The following VPS52 variants were observed in gnomAD, a reference collection of about 807,000 sequenced individuals.
VPS52 encodes the protein vacuolar protein sorting-associated protein 52 homolog.
In VPS52, 56 loss-of-function variants were observed where a neutral mutation model predicts 98.7. The ratio of observed to expected loss-of-function variants is 0.57; its 90% confidence interval spans 0.46 to 0.71. The LOEUF is 0.71. Among genes scored for constraint, VPS52 ranks in the 30% least tolerant of loss-of-function variants. The probability of loss-of-function intolerance (pLI) is 0.00; values close to 1 mark genes in which losing one functional copy is unlikely to be tolerated. For missense variants in VPS52, 742 were observed against 925.9 expected, an observed-to-expected ratio of 0.80 and a Z score of 2.58; for synonymous variants, 348 against 346.4, an observed-to-expected ratio of 1.00 and a Z score of -0.05.
At chr6:33,270,146 C>A in intron 2 of VPS52, 53 bp downstream of exon 2, 1 of 1,611,214 alleles carries the variant, frequency 6.2e-7, no homozygotes, top group Non-Finnish European at 8.5e-7. Flanking sequence ...TTCCTTCCAG[C>A]CCCCATGCCT....
rs1277773800 is a variant in VPS52, at chr6:33,250,973, C to G, written c.2040G>C (p.Gln680His). 6.2e-7 allele frequency: 1 copy of G among 1,612,922 alleles called. No individual in the cohort carries two copies. Among genetic ancestry groups the G allele is most frequent in the Non-Finnish European group, 8.5e-7 (1 of 1,180,032 alleles). ...GGAAGCGATGATAGAGCTGGATCAGCTGGGTCAGCGCTCCCTGGTCAAAGA... is the reference window on the plus strand; with the variant it reads ...GGAAGCGATGATAGAGCTGGATCAGGTGGGTCAGCGCTCCCTGGTCAAAGA... Reference protein sequence around the residue: ...GTSIIQGALTQLIQLYHRFHR... With the variant: ...GTSIIQGALTHLIQLYHRFHR... Residue 680 changes from glutamine (Q) to histidine (H), a missense_variant, in exon 20 of 20, where the codon CAG becomes CAC. Gln to His is a conservative substitution (Grantham distance 24, BLOSUM62 0). Transcript: ENST00000445902.
intron 17 of VPS52, among the ~76,000 whole-genome samples, chr6:33,252,296 A>T (rs1337773045): frequency 6.6e-6 from 1 of 152,230 alleles, no homozygotes; most frequent in Non-Finnish European, 1.5e-5. Flanking sequence ...CAATGTCTAA[A>T]GTTAAGGATA....
At chr6:33,265,057 G>A (rs1406780974) in intron 12 of VPS52, among the ~76,000 whole-genome samples, 157 bp from the exon 13 acceptor site, 1 of 152,078 alleles carries the variant, frequency 6.6e-6, no homozygotes, top group African/African-American at 2.4e-5. Flanking sequence ...TTCCTGTCCA[G>A]GATCTATGTT....
rs1178619542 is a variant in VPS52 at position 33,268,668 on chromosome 6, T to A, written c.549-19A>T. On this transcript the variant is annotated intron_variant, in intron 6 of 19. Transcript: ENST00000445902. The surrounding 1 kb of genome is among the most constrained non-coding windows in gnomAD (Gnocchi z 4.0). ...AATTGCCCTGGTTAGCAGGGAGGGG[T>A]GGGATGAGTTACAAGGGAGACCCAG... 8.2e-6 allele frequency: 13 copies of A among 1,585,718 alleles called. No homozygotes were observed. The highest frequency in any genetic ancestry group is 1.1e-5 in the Non-Finnish European group (13 of 1,171,218).
Position 33,268,482 on chromosome 6 carries a change from C to T in VPS52, c.699+17G>A, listed in dbSNP as rs1764606954. ...CTGCTTCCAGTAGCCTCCAGGGTATCCATCCCTACTTCCCACCTTGACCCG... is the reference window on the plus strand; with the variant it reads ...CTGCTTCCAGTAGCCTCCAGGGTATTCATCCCTACTTCCCACCTTGACCCG... On this transcript the variant is annotated intron_variant, in intron 7 of 19. Transcript: ENST00000445902. This position sits in a 1 kb window ranked among gnomAD's most constrained non-coding sequence, Gnocchi z 4.0. 6.3e-7 allele frequency: 1 copy of T among 1,581,700 alleles called. No individual in the cohort carries two copies. The highest frequency in any genetic ancestry group is 8.6e-7 in the Non-Finnish European group (1 of 1,161,870).
chr6:33,269,372 T>G, intron 5 of VPS52, 118 bp downstream of exon 5: 1 of 1,471,592 alleles, frequency 6.8e-7, no homozygotes, highest in Non-Finnish European at 9.4e-7. Flanking sequence ...GCTCCTGAAG[T>G]CATCTTGAAA....
At position 33,267,453 on chromosome 6, in the gene VPS52, G is replaced by C; in HGVS notation, c.992-132C>G. On this transcript the variant is annotated intron_variant, in intron 10 of 19. Transcript: ENST00000445902. The surrounding 1 kb of genome is among the most constrained non-coding windows in gnomAD (Gnocchi z 4.2). The stretch of plus-strand genomic sequence containing the variant: ...TCCCAGTACTAGGGCCCCACGTGCT[G>C]ACATCTGTGAATGGGCTTCAGGGTG... The C allele has an allele frequency of 4.3e-6, 6 of 1,406,382 alleles. No homozygotes were observed. Among genetic ancestry groups the C allele is most frequent in the Non-Finnish European group, 5.8e-6 (6 of 1,043,342 alleles). The allele number at this position is 1,406,382 out of a possible 1,614,324, so 87.1% of individuals were successfully genotyped here.
intron 17 of VPS52, among the ~76,000 whole-genome samples, chr6:33,256,869 A>T (rs941096412): frequency 6.9e-6 from 1 of 145,826 alleles, no homozygotes; most frequent in African/African-American, 2.8e-5. Flanking sequence ...AAGAAAAAAA[A>T]AGAAAAGAAA....
chr6:33,266,757 C>G lies in VPS52; in HGVS notation c.1126-45G>C, dbSNP rs984992749. ...GAAGAAAAACAGAAGGGATGGACCC[C>G]AACACTGACTTCCCATGGATATGGC... On this transcript the variant is annotated intron_variant, in intron 11 of 19. Coordinates refer to ENST00000445902, the MANE Select transcript of VPS52 (RefSeq NM_022553.6). 12 of 1,562,106 alleles carry G rather than the reference C, an allele frequency of 7.7e-6. No individual in the cohort carries two copies. In the South Asian group the frequency reaches 1.2e-4, roughly 16 times the overall value.
intron 17 of VPS52, among the ~76,000 whole-genome samples, chr6:33,262,731 G>T (rs1763775752): frequency 6.6e-6 from 1 of 152,200 alleles, no homozygotes; most frequent in Non-Finnish European, 1.5e-5. Flanking sequence ...AACATGCATA[G>T]AATTGGAAAT....
chr6:33,258,476 A>G (rs1763261623), intron 17 of VPS52, among the ~76,000 whole-genome samples: 1 of 151,992 alleles, frequency 6.6e-6, no homozygotes, highest in Non-Finnish European at 1.5e-5. Context: ...AAAAAAAAAA[A>G]AAGTAAAAAG....
intron 5 of VPS52, 124 bp from the exon 6 acceptor site, chr6:33,269,313 C>T (rs940799845): frequency 1.4e-6 from 2 of 1,435,870 alleles, no homozygotes; most frequent in East Asian, 2.3e-5. Context: ...GATGAGACAC[C>T]CCAGATTATC....
chr6:33,267,675 A>G lies in VPS52; in HGVS notation c.991+7T>C, dbSNP rs908860675. On this transcript the variant is annotated splice_region_variant and intron_variant, in intron 10 of 19. Coordinates refer to ENST00000445902, the MANE Select transcript of VPS52 (RefSeq NM_022553.6). The surrounding 1 kb of genome is among the most constrained non-coding windows in gnomAD (Gnocchi z 4.2). ...CCTGGCATGAGGGTTCCCCAGTACT[A>G]GGATATCTTTCTTTGCTGTATCTTC... The G allele has an allele frequency of 1.9e-6, 3 of 1,613,044 alleles. No individual in the cohort carries two copies. The highest frequency in any genetic ancestry group is 1.7e-5 in the Admixed American group (1 of 60,010).
Position 33,251,656 on chromosome 6 carries a change from G to A in VPS52, c.1907-20C>T. The A allele has an allele frequency of 6.3e-7, 1 of 1,585,292 alleles. No homozygotes were observed. ...CCCGGGCTAATAGCAGGAGGAAACAGTGTCAGAGAGGGATCTGGCTGATCT... is the reference window on the plus strand; with the variant it reads ...CCCGGGCTAATAGCAGGAGGAAACAATGTCAGAGAGGGATCTGGCTGATCT... On this transcript the variant is annotated intron_variant, in intron 18 of 19. Transcript: ENST00000445902.
rs763108914 is a variant in VPS52, at chr6:33,271,607, C to A, written c.69G>T (p.Met23Ile). The A allele has an allele frequency of 6.8e-6, 11 of 1,611,058 alleles. No homozygotes were observed. The highest frequency in any genetic ancestry group is 5.0e-5 in the Admixed American group (3 of 59,820). ...ELVLRAGTSD[M>I]EEEEGPLAGG... Reference sequence around the variant, plus strand: ...TCACCAGCGGGCCCTCTTCCTCCTCCATATCTGAGGTCCCAGCCCGCAACA... The same window carrying A: ...TCACCAGCGGGCCCTCTTCCTCCTCAATATCTGAGGTCCCAGCCCGCAACA... Residue 23 changes from methionine to isoleucine, a missense_variant, in exon 1 of 20, where the codon ATG (methionine) becomes ATT (isoleucine). Around this residue, in one of 2 missense-constraint regions of VPS52, gnomAD observed 152 missense variants for 132.6 expected, o/e 1.15. Transcript: ENST00000445902.
intron 17 of VPS52, among the ~76,000 whole-genome samples, chr6:33,256,280 T>A (rs554274689): frequency 6.6e-6 from 1 of 151,332 alleles, no homozygotes; most frequent in African/African-American, 2.4e-5. Flanking sequence ...TACAAAAAAT[T>A]AAATTTTTAA....
intron 12 of VPS52, 124 bp from the exon 13 acceptor site, chr6:33,265,024 G>A (rs187081920): frequency 4.1e-5 from 36 of 876,998 alleles, no homozygotes; most frequent in South Asian, 4.3e-5. Flanking sequence ...AGGGAGAGAC[G>A]TAAAATGGAA....
In VPS52 at chr6:33,250,779, A is replaced by G; in HGVS notation, c.*62T>C. 6.4e-7 allele frequency: 1 copy of G among 1,574,310 alleles called. No homozygotes were observed. Among genetic ancestry groups the G allele is most frequent in the Non-Finnish European group, 8.6e-7 (1 of 1,157,460 alleles). ...AGGGGTACCCCAGGTGAAGAAGGGT[A>G]TGGAATGGGGTGCAGAAGTCCATGG... On this transcript the variant is annotated 3_prime_UTR_variant, in exon 20 of 20. Transcript: ENST00000445902.
At position 33,268,363 on chromosome 6, in the gene VPS52, G is replaced by T; in HGVS notation, c.699+136C>A. The stretch of plus-strand genomic sequence containing the variant: ...TTTTCAGGGAAACCCAGAGAGACAA[G>T]AATGGGGCTGCCCAGAAAAGGCAGG... On this transcript the variant is annotated intron_variant, in intron 7 of 19. Transcript: ENST00000445902. The surrounding 1 kb of genome is among the most constrained non-coding windows in gnomAD (Gnocchi z 4.0). The T allele has an allele frequency of 1.5e-6, 2 of 1,350,202 alleles. No individual in the cohort carries two copies. Among genetic ancestry groups the T allele is most frequent in the Non-Finnish European group, 2.0e-6 (2 of 977,970 alleles). 83.6% of individuals were successfully genotyped at this position (1,350,202 alleles called of 1,614,324 possible).
Sources: allele counts gnomAD v4.1 joint callset (sites outside exome capture counted in the v4.1 genomes callset), GRCh38; gene constraint gnomAD v4.1.1; regional missense constraint gnomAD v4.1.1; non-coding constraint Gnocchi (gnomAD v3.1); transcripts MANE v1.5; gene names NCBI Gene and HGNC (gene_info 2026-07-23, HGNC 2026-07-21).